Variants in TRIM33 observed in about 807,000 individuals in gnomAD.
TRIM33 encodes E3 ubiquitin-protein ligase TRIM33.
In TRIM33, 20 loss-of-function variants were observed where a neutral mutation model predicts 125.4. The ratio of observed to expected loss-of-function variants is 0.16; its 90% CI spans 0.11 to 0.23. The LOEUF is 0.23. TRIM33 is among the 10% of genes least tolerant of loss of function. The probability of loss-of-function intolerance (pLI) is 1.00; values close to 1 mark genes in which losing one functional copy is unlikely to be tolerated. For synonymous variants in TRIM33, 564 were observed against 513.9 expected (o/e 1.10, Z -1.32); for missense variants, 920 against 1,411.4 (o/e 0.65, Z 5.58).
At chr1:114,486,566 AC>A (rs60546083) in intron 1 of TRIM33, among the ~76,000 whole-genome samples, 1 of 148,664 alleles carries the variant, frequency 6.7e-6, no homozygotes, top group Non-Finnish European at 1.5e-5. Flanking sequence ...AAAAAAAAAA[AC>A]CCAAAAACCA....
chr1:114,491,039 T>C (rs868009023), intron 1 of TRIM33, among the ~76,000 whole-genome samples: 2 of 152,252 alleles, frequency 1.3e-5, no homozygotes, highest in South Asian at 4.1e-4. Context: ...TAACTGCTAA[T>C]TGGTAGAGGG....
chr1:114,394,709 T>C lies in TRIM33; in HGVS notation c.*2939A>G, dbSNP rs867358093. ...GTAGTAATGGTTTGATGTTTCCATA[T>C]AGAGCACGACCTACAATCTAACCAT... On this transcript the variant is annotated 3_prime_UTR_variant, in exon 20 of 20. Coordinates refer to ENST00000358465, the MANE Select transcript of TRIM33 (RefSeq NM_015906.4). The C allele has an allele frequency of 9.9e-6, 2 of 201,146 alleles. No individual in the cohort carries two copies. Among genetic ancestry groups the C allele is most frequent in the African/African-American group, 2.3e-5 (1 of 43,606 alleles). The allele number at this position is 201,146 out of a possible 1,614,324, so 12.5% of individuals were successfully genotyped here. A position where few individuals can be genotyped will look rare whatever the true frequency, so the allele number is the denominator to read the frequency against.
intron 5 of TRIM33, among the ~76,000 whole-genome samples, chr1:114,432,657 G>C (rs1014375188): frequency 1.3e-5 from 2 of 151,910 alleles, no homozygotes; most frequent in African/African-American, 4.8e-5. Context: ...ATGGTGGTGG[G>C]CGCCTGTAGC....
chr1:114,439,163 A>C (rs1648491147), intron 4 of TRIM33, among the ~76,000 whole-genome samples: 1 of 152,152 alleles, frequency 6.6e-6, no homozygotes, highest in African/African-American at 2.4e-5. Context: ...AAAATCATTT[A>C]TCTTTTCTCC....
At chr1:114,482,119 A>G (rs760136959) in intron 1 of TRIM33, among the ~76,000 whole-genome samples, 15 of 152,194 alleles carry the variant, frequency 9.9e-5, no homozygotes, top group Non-Finnish European at 1.6e-4. Context: ...TCAGCCACAC[A>G]TGATTACTGA....
In TRIM33 at chr1:114,502,718, G is replaced by C. The variant is rs566284417; in HGVS notation, c.526+7833C>G. ...GTCGGAGTCTCACTATATTCCCCAG[G>C]CTGGTCTTGAACTCCTGGGCTCAAG... On this transcript the variant is annotated intron_variant, in intron 1 of 19. Coordinates refer to ENST00000358465, the MANE Select transcript of TRIM33 (RefSeq NM_015906.4). Among the ~76,000 whole-genome samples the C allele has an allele frequency of 2.2e-3, 341 of 151,850 alleles. 2 individuals carry two copies. The highest frequency in any genetic ancestry group is 8.0e-3 in the African/African-American group (333 of 41,388).
intron 1 of TRIM33, among the ~76,000 whole-genome samples, chr1:114,493,034 G>A (rs549713157): frequency 6.6e-6 from 1 of 152,256 alleles, no homozygotes; most frequent in East Asian, 1.9e-4. Context: ...CAGCAATATA[G>A]GACTCTAATT....
chr1:114,447,399 A>G (rs1325939528), intron 4 of TRIM33, among the ~76,000 whole-genome samples: 1 of 152,176 alleles, frequency 6.6e-6, no homozygotes, highest in Non-Finnish European at 1.5e-5. Context: ...AACTGAAAAA[A>G]AAAATGCAAC....
intron 12 of TRIM33, 41 bp from the exon 13 acceptor site, chr1:114,408,781 G>A: frequency 1.5e-6 from 2 of 1,290,460 alleles, no homozygotes; most frequent in South Asian, 1.3e-5. Flanking sequence ...ATGCATATAA[G>A]AATATTTGGA....
chr1:114,437,529 G>C (rs1648382998), intron 4 of TRIM33, among the ~76,000 whole-genome samples: 1 of 152,006 alleles, frequency 6.6e-6, no homozygotes, highest in Admixed American at 6.6e-5. Flanking sequence ...AGTAGAGATG[G>C]GGCGTCACCA....
chr1:114,453,770 T>C (rs1393649456), intron 4 of TRIM33, among the ~76,000 whole-genome samples: 1 of 152,188 alleles, frequency 6.6e-6, no homozygotes, highest in Non-Finnish European at 1.5e-5. Context: ...GAACCACATC[T>C]ATGTGACAGA....
At chr1:114,476,662 A>C (rs1333614374) in intron 1 of TRIM33, among the ~76,000 whole-genome samples, 1 of 152,176 alleles carries the variant, frequency 6.6e-6, no homozygotes, top group Non-Finnish European at 1.5e-5. Flanking sequence ...AGACAAAGCA[A>C]AACAATTTTA....
intron 1 of TRIM33, among the ~76,000 whole-genome samples, chr1:114,494,114 C>T (rs1047934305): frequency 4.4e-4 from 64 of 145,526 alleles, no homozygotes; most frequent in African/African-American, 1.6e-3. Flanking sequence ...TGAGCCACTG[C>T]ACCCCGCCAT....
intron 11 of TRIM33, 48 bp downstream of exon 11, chr1:114,421,388 G>C (rs572903025): frequency 6.7e-7 from 1 of 1,502,200 alleles, no homozygotes; most frequent in South Asian, 1.1e-5. Context: ...CTCTAACTCT[G>C]TAATTAACAT....
At chr1:114,430,009 C>T (rs1332139933) in intron 6 of TRIM33, among the ~76,000 whole-genome samples, 2 of 151,952 alleles carry the variant, frequency 1.3e-5, no homozygotes, top group Non-Finnish European at 2.9e-5. Flanking sequence ...TACCTAATAT[C>T]ACAAAATTTT....
intron 16 of TRIM33, among the ~76,000 whole-genome samples, chr1:114,402,371 T>C (rs914427173): frequency 3.3e-5 from 5 of 152,202 alleles, no homozygotes; most frequent in Admixed American, 6.5e-5. Flanking sequence ...GGTAAGAAAA[T>C]CATATTATAG....
intron 1 of TRIM33, among the ~76,000 whole-genome samples, chr1:114,509,976 C>A (rs1201282673): frequency 6.6e-6 from 1 of 152,160 alleles, no homozygotes; most frequent in Non-Finnish European, 1.5e-5. Flanking sequence ...ACCATGCAGT[C>A]CACTTTCCGA....
chr1:114,429,598 AT>A (rs1488857315), intron 6 of TRIM33, among the ~76,000 whole-genome samples: 1 of 151,694 alleles, frequency 6.6e-6, no homozygotes, highest in South Asian at 2.1e-4. Context: ...TTCACCTAAT[AT>A]TTTTAAAGGA....
Position 114,405,889 on chromosome 1 carries a change from T to C in TRIM33, c.2419-130A>G, listed in dbSNP as rs886589237. 13 of 824,572 alleles carry C rather than the reference T, an allele frequency of 1.6e-5. No homozygotes were observed. In the African/African-American group the frequency reaches 2.2e-4, roughly 14 times the overall value. The allele number at this position is 824,572 out of a possible 1,614,324, so 51.1% of individuals were successfully genotyped here. ...AACAAATTTATTTTATAGATCACAA[T>C]AGTGCCATAAAGAAATGACAATAAC... On this transcript the variant is annotated intron_variant, in intron 14 of 19. Transcript: ENST00000358465.
Sources: gnomAD v4.1 joint callset for allele counts (sites outside exome capture counted in the v4.1 genomes callset) on GRCh38, gnomAD v4.1.1 for gene constraint, MANE v1.5 for transcripts, NCBI Gene and HGNC (gene_info 2026-07-23, HGNC 2026-07-21) for gene names.